Variants in KIFC3 observed in about 807,000 individuals in gnomAD.
KIFC3 encodes kinesin family member C3.
A neutral mutation model predicts 101.8 loss-of-function variants in KIFC3; 60 were observed. That is an observed-to-expected ratio of 0.59 (90% CI 0.48 to 0.73). The LOEUF is 0.73. KIFC3 is among the 30% of genes least tolerant of loss of function. The pLI is 0.00. For synonymous variants in KIFC3, 476 were observed against 482.7 expected, an observed-to-expected ratio of 0.99 and a Z score of 0.18; for missense variants, 966 against 1,137.1, an observed-to-expected ratio of 0.85 and a Z score of 2.16.
intron 3 of KIFC3, among the ~76,000 whole-genome samples, chr16:57,781,616 A>G (rs1167805885): frequency 2.0e-5 from 3 of 152,214 alleles, no homozygotes; most frequent in Admixed American, 2.0e-4. Context: ...CACCTGGCAC[A>G]GCAATGAGGA....
chr16:57,802,259 G>T lies in KIFC3; in HGVS notation c.-40+111C>A. The T allele has an allele frequency of 1.9e-6, 1 of 513,068 alleles. No homozygotes were observed. Among genetic ancestry groups the T allele is most frequent in the Non-Finnish European group, 2.5e-6 (1 of 398,236 alleles). The allele number at this position is 513,068 out of a possible 1,614,324, so 31.8% of individuals were successfully genotyped here. A position where few individuals can be genotyped will look rare whatever the true frequency, so the allele number is the denominator to read the frequency against. ...CCCTCCCCGCGCCCATAGCGGGTCC[G>T]GGCAGAGGGGTCCCGAGGGCAGGGC... is the stretch of plus-strand genomic sequence containing the variant. On this transcript the variant is annotated intron_variant, in intron 1 of 19. Transcript: ENST00000445690. This position sits in a 1 kb window ranked among gnomAD's most constrained non-coding sequence, Gnocchi z 5.0.
chr16:57,818,897 C>T (rs946483378), intron 1 of KIFC3, among the ~76,000 whole-genome samples: 2 of 152,220 alleles, frequency 1.3e-5, no homozygotes, highest in African/African-American at 4.8e-5. Flanking sequence ...CTCCTCATCC[C>T]CTGTCTGTTC....
intron 1 of KIFC3, among the ~76,000 whole-genome samples, chr16:57,855,060 G>T (rs375746186): frequency 7.2e-6 from 1 of 138,806 alleles, no homozygotes; most frequent in Non-Finnish European, 1.6e-5. Flanking sequence ...TCTCTACAAA[G>T]AATAAAAATT....
intron 3 of KIFC3, among the ~76,000 whole-genome samples, chr16:57,786,256 C>G (rs183388062): frequency 6.6e-6 from 1 of 152,132 alleles, no homozygotes; most frequent in Admixed American, 6.5e-5. Context: ...AAGGATGAAG[C>G]GCAGGAACCT....
intron 3 of KIFC3, chr16:57,775,165 T>C (rs1367483387): frequency 9.8e-6 from 13 of 1,331,318 alleles, no homozygotes; most frequent in Non-Finnish European, 1.2e-5. Flanking sequence ...GTCCAGAATC[T>C]CAGAGGGGCA....
intron 3 of KIFC3, chr16:57,785,349 C>A (rs1398949446): frequency 4.2e-6 from 2 of 475,478 alleles, no homozygotes; most frequent in Non-Finnish European, 6.0e-6. Context: ...GGAAACGAGA[C>A]CCCAGCTATC....
intron 1 of KIFC3, among the ~76,000 whole-genome samples, chr16:57,850,768 G>C (rs1239477722): frequency 6.6e-6 from 1 of 151,958 alleles, no homozygotes. Context: ...GAGCCGCTGT[G>C]CCCAGCCACA....
intron 1 of KIFC3, among the ~76,000 whole-genome samples, chr16:57,840,955 C>T (rs1285029860): frequency 2.6e-5 from 4 of 152,050 alleles, no homozygotes; most frequent in African/African-American, 4.8e-5. Flanking sequence ...GGCTTTCTGG[C>T]GATCCTCCTC....
intron 1 of KIFC3, among the ~76,000 whole-genome samples, chr16:57,833,582 C>A (rs1468291444): frequency 1.3e-5 from 2 of 152,198 alleles, no homozygotes; most frequent in African/African-American, 2.4e-5. Flanking sequence ...AAGCAGCCCC[C>A]ACAGACTCCC....
chr16:57,816,533 C>G (rs1191806988), intron 1 of KIFC3: 15 of 456,682 alleles, frequency 3.3e-5, no homozygotes, highest in African/African-American at 2.6e-4. Context: ...CTTACAAAAC[C>G]ACACGGGCTG....
intron 3 of KIFC3, among the ~76,000 whole-genome samples, chr16:57,790,746 A>C (rs1195209812): frequency 1.3e-5 from 2 of 152,244 alleles, no homozygotes; most frequent in African/African-American, 4.8e-5. Context: ...GCTTGATATG[A>C]GGTAGCTATT....
chr16:57,760,148 G>T, intron 17 of KIFC3, 134 bp downstream of exon 17: 1 of 1,084,548 alleles, frequency 9.2e-7, no homozygotes, highest in South Asian at 1.5e-5. Context: ...GGTTCCAGCC[G>T]TAGCTCCACC....
chr16:57,848,367 G>T (rs1397039263), intron 1 of KIFC3, among the ~76,000 whole-genome samples: 2 of 152,182 alleles, frequency 1.3e-5, no homozygotes, highest in Non-Finnish European at 2.9e-5. Context: ...CCCGTGTGGT[G>T]GCTCATCCCA....
At chr16:57,785,426 G>A (rs1219141997) in intron 3 of KIFC3, 13 of 1,239,700 alleles carry the variant, frequency 1.0e-5, no homozygotes, top group African/African-American at 3.1e-5. Flanking sequence ...GCTCCATAGT[G>A]GGCAGTGGCC....
chr16:57,851,286 A>G (rs2056052933), intron 1 of KIFC3, among the ~76,000 whole-genome samples: 1 of 152,140 alleles, frequency 6.6e-6, no homozygotes, highest in South Asian at 2.1e-4. Flanking sequence ...AAGTGTTAGG[A>G]TGACCAGTGT....
rs2051237816 is a variant in KIFC3, at chr16:57,771,695, A to G, written c.382-9T>C. The G allele has an allele frequency of 1.2e-6, 2 of 1,608,970 alleles. No homozygotes were observed. The highest frequency in any genetic ancestry group is 1.7e-6 in the Non-Finnish European group (2 of 1,178,070). On this transcript the variant is annotated splice_polypyrimidine_tract_variant and intron_variant, in intron 4 of 19. Transcript: ENST00000445690. Reference sequence around the variant, plus strand: ...TCCAAGTCGGTGCCCCCCTGCAGAGAGCCAGGGCCGAGGGGGCGCATGTGG... The same window carrying G: ...TCCAAGTCGGTGCCCCCCTGCAGAGGGCCAGGGCCGAGGGGGCGCATGTGG...
At chr16:57,833,203 C>G (rs2911344) in intron 1 of KIFC3, among the ~76,000 whole-genome samples, 24,971 of 150,990 alleles carry the variant, frequency 0.17, 2,236 homozygotes, top group Middle Eastern at 0.23. Context: ...AACACTCTGT[C>G]TCAAATATAT....
chr16:57,768,509 TCACACACACACA>T (rs61591593), intron 9 of KIFC3, among the ~76,000 whole-genome samples: 1 of 139,030 alleles, frequency 7.2e-6, no homozygotes, highest in Non-Finnish European at 1.5e-5. Context: ...CCATATATTC[TCACACACACACA>T]CACACACACA....
intron 2 of KIFC3, 98 bp downstream of exon 2, chr16:57,797,974 C>T: frequency 6.5e-7 from 1 of 1,545,960 alleles, no homozygotes; most frequent in Non-Finnish European, 8.7e-7. Context: ...CCTGACAGCT[C>T]TGACTGGGCT....
Sources: allele counts gnomAD v4.1 joint callset (sites outside exome capture counted in the v4.1 genomes callset), GRCh38; gene constraint gnomAD v4.1.1; non-coding constraint Gnocchi (gnomAD v3.1); transcripts MANE v1.5; gene names NCBI Gene and HGNC (gene_info 2026-07-23, HGNC 2026-07-21).